The following SLC9A9 variants were observed in gnomAD, a reference collection of about 807,000 sequenced individuals.
SLC9A9 encodes solute carrier family 9 member A9.
Under a neutral mutation model 77.8 loss-of-function variants are expected in SLC9A9, and 62 were observed. The observed-to-expected ratio is 0.80, with a 90% confidence interval of 0.65 to 0.98. The LOEUF is 0.98. SLC9A9 is among the 50% of genes least tolerant of loss of function. The probability of loss-of-function intolerance (pLI) is 0.00; values close to 1 mark genes in which losing one functional copy is unlikely to be tolerated. For synonymous variants in SLC9A9, 320 were observed against 283.5 expected, an observed-to-expected ratio of 1.13 and a Z score of -1.29; for missense variants, 775 against 774.9, an observed-to-expected ratio of 1.00 and a Z score of 0.00.
At chr3:143,339,732 T>C (rs2032040233) in intron 14 of SLC9A9, among the ~76,000 whole-genome samples, 1 of 152,172 alleles carries the variant, frequency 6.6e-6, no homozygotes, top group African/African-American at 2.4e-5. Flanking sequence ...TAATCACGTC[T>C]ACTCTGATAG....
chr3:143,750,063 G>A (rs1376688758), intron 4 of SLC9A9, among the ~76,000 whole-genome samples: 1 of 152,006 alleles, frequency 6.6e-6, no homozygotes, highest in Non-Finnish European at 1.5e-5. Flanking sequence ...AAAAGCTCCG[G>A]GCAGACACAG....
chr3:143,540,020 G>A (rs1559959268), intron 9 of SLC9A9, among the ~76,000 whole-genome samples: 1 of 151,986 alleles, frequency 6.6e-6, no homozygotes, highest in African/African-American at 2.4e-5. Flanking sequence ...GCTAAATGAG[G>A]TAAGTATACT....
intron 1 of SLC9A9, among the ~76,000 whole-genome samples, chr3:143,834,925 G>A (rs1467321076): frequency 6.6e-6 from 1 of 152,132 alleles, no homozygotes; most frequent in African/African-American, 2.4e-5. Context: ...AGTGGTCTCA[G>A]CTTCTCTGCT....
chr3:143,510,213 TACAG>T (rs2036093242), intron 9 of SLC9A9, among the ~76,000 whole-genome samples: 1 of 152,168 alleles, frequency 6.6e-6, no homozygotes, highest in African/African-American at 2.4e-5. Flanking sequence ...TATATCCAAA[TACAG>T]ACAGATTCTT....
At chr3:143,604,963 G>A (rs1353703020) in intron 6 of SLC9A9, among the ~76,000 whole-genome samples, 2 of 152,192 alleles carry the variant, frequency 1.3e-5, no homozygotes, top group Non-Finnish European at 2.9e-5. Context: ...AATTCTGGAG[G>A]CTCTGCTTCT....
intron 4 of SLC9A9, among the ~76,000 whole-genome samples, chr3:143,730,875 G>C (rs1233528623): frequency 6.6e-6 from 1 of 151,896 alleles, no homozygotes; most frequent in Non-Finnish European, 1.5e-5. Flanking sequence ...AAAAGAAAAA[G>C]AAAAAGGTTT....
intron 12 of SLC9A9, among the ~76,000 whole-genome samples, chr3:143,456,969 CAT>C (rs577665501): frequency 1.4e-3 from 212 of 152,248 alleles, no homozygotes; most frequent in Middle Eastern, 6.8e-3. Flanking sequence ...TTTTGTTGAA[CAT>C]ATGTGCAGAG....
chr3:143,776,124 T>TA (rs1264011355), intron 4 of SLC9A9, among the ~76,000 whole-genome samples: 2 of 152,196 alleles, frequency 1.3e-5, no homozygotes, highest in Admixed American at 1.3e-4. Flanking sequence ...TATTTATATC[T>TA]AAAATACCAC....
At chr3:143,814,142 C>T (rs80199037) in intron 2 of SLC9A9, among the ~76,000 whole-genome samples, 7,228 of 152,192 alleles carry the variant, frequency 0.047, 239 homozygotes, top group African/African-American at 0.092. Context: ...GTTTCTGCAC[C>T]TGGGTGAGTG....
At chr3:143,556,048 C>T (rs1463638151) in intron 8 of SLC9A9, among the ~76,000 whole-genome samples, 1 of 152,224 alleles carries the variant, frequency 6.6e-6, no homozygotes, top group Non-Finnish European at 1.5e-5. Context: ...GAAAATGTCT[C>T]ATCTAAATAC....
intron 5 of SLC9A9, among the ~76,000 whole-genome samples, chr3:143,682,215 A>G (rs1317266827): frequency 6.6e-6 from 1 of 152,190 alleles, no homozygotes; most frequent in African/African-American, 2.4e-5. Flanking sequence ...AAGCCAAGTT[A>G]AAGTCACTAC....
At chr3:143,269,037 C>G (rs532924645) in intron 14 of SLC9A9, 57 bp from the exon 15 acceptor site, 2 of 1,278,334 alleles carry the variant, frequency 1.6e-6, no homozygotes, top group Non-Finnish European at 2.3e-6. Flanking sequence ...AGGAATCTTA[C>G]GCTGCACAAA....
chr3:143,658,669 T>G (rs921731035), intron 5 of SLC9A9, among the ~76,000 whole-genome samples: 2 of 152,210 alleles, frequency 1.3e-5, no homozygotes, highest in Non-Finnish European at 2.9e-5. Context: ...CTCCATCCCT[T>G]TGACTTCAAA....
intron 13 of SLC9A9, among the ~76,000 whole-genome samples, chr3:143,374,641 A>G (rs1206323884): frequency 1.3e-5 from 2 of 151,700 alleles, no homozygotes; most frequent in Non-Finnish European, 1.5e-5. Flanking sequence ...TTTCAAAACA[A>G]TTTTTTTGTG....
At chr3:143,290,212 A>C (rs1025072447) in intron 14 of SLC9A9, among the ~76,000 whole-genome samples, 24 of 152,210 alleles carry the variant, frequency 1.6e-4, no homozygotes, top group Admixed American at 1.2e-3. Flanking sequence ...CATACTGTAC[A>C]TAAATAATAG....
intron 14 of SLC9A9, among the ~76,000 whole-genome samples, chr3:143,333,929 G>C (rs1004705186): frequency 1.3e-5 from 2 of 152,046 alleles, no homozygotes; most frequent in Non-Finnish European, 2.9e-5. Context: ...TCAAGTGGAT[G>C]TCATGGGGAA....
chr3:143,823,913 T>C (rs2009234108), intron 2 of SLC9A9, among the ~76,000 whole-genome samples: 1 of 152,186 alleles, frequency 6.6e-6, no homozygotes, highest in South Asian at 2.1e-4. Flanking sequence ...TTTTAAAAAA[T>C]TCTAGTTTGA....
intron 4 of SLC9A9, among the ~76,000 whole-genome samples, chr3:143,779,036 T>C (rs2007785850): frequency 6.6e-6 from 1 of 152,238 alleles, no homozygotes; most frequent in Non-Finnish European, 1.5e-5. Flanking sequence ...TCACTGGATT[T>C]ATAATAATTT....
chr3:143,511,830 A>G (rs74388654), intron 9 of SLC9A9, among the ~76,000 whole-genome samples: 114 of 152,324 alleles, frequency 7.5e-4, no homozygotes, highest in African/African-American at 2.7e-3. Context: ...GCATCTATAC[A>G]TAATTGTGTC....
Sources: gnomAD v4.1 joint callset for allele counts (sites outside exome capture counted in the v4.1 genomes callset) on GRCh38, gnomAD v4.1.1 for gene constraint, MANE v1.5 for transcripts, NCBI Gene and HGNC (gene_info 2026-07-23, HGNC 2026-07-21) for gene names.